DUSP16: variants seen among roughly 807,000 people sequenced by gnomAD.
DUSP16 encodes dual specificity phosphatase 16.
DUSP16 carries 21 observed loss-of-function variants against 58.3 expected under a neutral mutation model. The observed-to-expected ratio is 0.36, with a 90% confidence interval of 0.26 to 0.52. DUSP16 has a LOEUF of 0.52. Ranked by LOEUF, DUSP16 falls within the 20% of genes least tolerant of loss-of-function variation. DUSP16 has a pLI of 0.94. For synonymous variants in DUSP16, 320 were observed against 323.8 expected (o/e 0.99, Z 0.12); for missense variants, 726 against 819.0 (o/e 0.89, Z 1.39).
chr12:12,560,946 T>TCACACACCCACACACACACA (rs56190302), intron 1 of DUSP16: 2 of 148,144 alleles, frequency 1.4e-5, no homozygotes, highest in African/African-American at 5.0e-5. Context: ...ATGGTAAATT[T>TCACACACCCACACACACACA]CACACACACA....
chr12:12,499,349 A>C (rs1565995976), intron 4 of DUSP16, among the ~76,000 whole-genome samples: 1 of 152,230 alleles, frequency 6.6e-6, no homozygotes, highest in African/African-American at 2.4e-5. Context: ...GCACACTCAA[A>C]GGCATTGTGA....
chr12:12,519,681 A>G (rs1944201218), intron 3 of DUSP16, among the ~76,000 whole-genome samples, 181 bp downstream of exon 3: 1 of 152,236 alleles, frequency 6.6e-6, no homozygotes, highest in Admixed American at 6.5e-5. Context: ...ACACTGACCT[A>G]TGTGGAAGAA....
At chr12:12,512,667 C>T (rs1234104302) in intron 3 of DUSP16, among the ~76,000 whole-genome samples, 1 of 152,094 alleles carries the variant, frequency 6.6e-6, no homozygotes, top group Admixed American at 6.5e-5. Context: ...TTTTTTAAGG[C>T]TGAATATTCC....
At chr12:12,559,791 A>C (rs567320961) in intron 1 of DUSP16, among the ~76,000 whole-genome samples, 23 of 152,304 alleles carry the variant, frequency 1.5e-4, no homozygotes, top group Middle Eastern at 3.4e-3. Context: ...AAACACACTA[A>C]CACATAAATC....
At chr12:12,552,483 T>C (rs1944743650) in intron 1 of DUSP16, among the ~76,000 whole-genome samples, 1 of 152,158 alleles carries the variant, frequency 6.6e-6, no homozygotes. Flanking sequence ...TTACCAATTG[T>C]TGAATTTTGG....
At chr12:12,529,860 G>A (rs765415424) in intron 1 of DUSP16, among the ~76,000 whole-genome samples, 1 of 152,090 alleles carries the variant, frequency 6.6e-6, no homozygotes, top group Non-Finnish European at 1.5e-5. Context: ...GAAAATGACA[G>A]GATTTCCTTA....
chr12:12,494,079 C>G (rs531110205), intron 4 of DUSP16, among the ~76,000 whole-genome samples: 1 of 152,276 alleles, frequency 6.6e-6, no homozygotes, highest in South Asian at 2.1e-4. Context: ...AAATCAGTAT[C>G]TAGTAACTGG....
intron 4 of DUSP16, among the ~76,000 whole-genome samples, chr12:12,495,209 A>G (rs1943812333): frequency 6.8e-6 from 1 of 147,182 alleles, no homozygotes; most frequent in South Asian, 2.2e-4. Flanking sequence ...TGTATGGTAT[A>G]TGAATTATAT....
At chr12:12,493,049 T>C (rs1943783212) in intron 4 of DUSP16, among the ~76,000 whole-genome samples, 1 of 152,184 alleles carries the variant, frequency 6.6e-6, no homozygotes, top group African/African-American at 2.4e-5. Context: ...GATCATCTCT[T>C]ATGACATCAA....
intron 1 of DUSP16, among the ~76,000 whole-genome samples, chr12:12,527,346 T>G (rs554219316): frequency 2.9e-4 from 43 of 148,242 alleles, no homozygotes; most frequent in African/African-American, 8.9e-4. Flanking sequence ...TCCTTAGACT[T>G]TGACTGCCTC....
intron 1 of DUSP16, among the ~76,000 whole-genome samples, chr12:12,550,417 T>C (rs1280088274): frequency 1.3e-5 from 2 of 152,212 alleles, no homozygotes; most frequent in East Asian, 3.8e-4. Context: ...TTTGATAATA[T>C]GAAGATGTTA....
Position 12,487,053 on chromosome 12 carries a change from C to T in DUSP16, c.666G>A (p.Trp222Ter). ...NDSFCEKILP[W>*]LDKSVDFIEK... Reference sequence around the variant, plus strand: ...CAATGAAATCTACTGATTTGTCCAACCACGGCAAAATTTTCTCACAAAAGC... The same window carrying T: ...CAATGAAATCTACTGATTTGTCCAATCACGGCAAAATTTTCTCACAAAAGC... The change falls in exon 5 of 7, where the codon TGG becomes TGA. Residue 222 changes from tryptophan (W) to a stop codon, truncating the protein, a stop_gained. Coordinates refer to ENST00000298573, the MANE Select transcript of DUSP16 (RefSeq NM_030640.3). LOFTEE classifies it high-confidence loss of function. 6.2e-7 allele frequency: 1 copy of T among 1,614,094 alleles called. No individual in the cohort carries two copies. The highest frequency in any genetic ancestry group is 8.5e-7 in the Non-Finnish European group (1 of 1,179,956).
Position 12,476,728 on chromosome 12 carries a change from C to T in DUSP16, c.*105G>A. The T allele has an allele frequency of 9.2e-7, 1 of 1,084,144 alleles. No individual in the cohort carries two copies. The highest frequency in any genetic ancestry group is 1.3e-6 in the Non-Finnish European group (1 of 771,372). The allele number at this position is 1,084,144 out of a possible 1,614,324, so 67.2% of individuals were successfully genotyped here. A position where few individuals can be genotyped will look rare whatever the true frequency, so the allele number is the denominator to read the frequency against. ...TGCTTTTACACCATAGCTCCATTTT[C>T]CAAAAATATATATGTATGTACATAT... On this transcript the variant is annotated 3_prime_UTR_variant, in exon 7 of 7. Coordinates refer to ENST00000298573, the MANE Select transcript of DUSP16 (RefSeq NM_030640.3).
At chr12:12,560,293 T>C (rs562682663) in intron 1 of DUSP16, among the ~76,000 whole-genome samples, 1 of 152,348 alleles carries the variant, frequency 6.6e-6, no homozygotes, top group African/African-American at 2.4e-5. Context: ...TGTACATTTA[T>C]AGTACTTGAA....
chr12:12,493,121 C>T (rs564191382), intron 4 of DUSP16, among the ~76,000 whole-genome samples: 1 of 152,148 alleles, frequency 6.6e-6, no homozygotes, highest in Non-Finnish European at 1.5e-5. Context: ...TCCCCCTGCC[C>T]CATTCATACA....
chr12:12,524,785 A>G (rs1944280672), intron 1 of DUSP16, among the ~76,000 whole-genome samples: 1 of 151,720 alleles, frequency 6.6e-6, no homozygotes, highest in African/African-American at 2.4e-5. Flanking sequence ...AGATTTTTAA[A>G]TAGGTAATAT....
intron 1 of DUSP16, among the ~76,000 whole-genome samples, chr12:12,535,295 T>C (rs1944449147): frequency 6.6e-6 from 1 of 152,198 alleles, no homozygotes; most frequent in Non-Finnish European, 1.5e-5. Context: ...AAACAAATAG[T>C]AATGGGCTAT....
rs1421964005 is a variant in DUSP16, at chr12:12,476,001, A to G, written c.*832T>C. 6.6e-6 allele frequency: 1 copy of G among 152,186 alleles called. No individual in the cohort carries two copies. Among genetic ancestry groups the G allele is most frequent in the Non-Finnish European group, 1.5e-5 (1 of 68,036 alleles). The allele number at this position is 152,186 out of a possible 1,614,324, so 9.4% of individuals were successfully genotyped here. A position where few individuals can be genotyped will look rare whatever the true frequency, so the allele number is the denominator to read the frequency against. The stretch of plus-strand genomic sequence containing the variant: ...TCGTTAGCCTCCCAACCTTAGCTTA[A>G]ATCGTGATGTTGCCAGGTTCCTGGT... On this transcript the variant is annotated 3_prime_UTR_variant, in exon 7 of 7. Transcript: ENST00000298573.
In DUSP16 at chr12:12,477,623, T is replaced by G; in HGVS notation, c.1208A>C (p.Asp403Ala). Residue 403 changes from aspartate (D) to alanine (A), a missense_variant, in exon 7 of 7, where the codon GAT (aspartate) becomes GCT (alanine). By Grantham distance (126) the Asp-to-Ala change is moderately radical. Transcript: ENST00000298573. This position sits in a 1 kb window ranked among gnomAD's most constrained non-coding sequence, Gnocchi z 4.1. ...SNKLKRSFSLDIKSVSYSASM... is the reference protein window; with the variant it reads ...SNKLKRSFSLAIKSVSYSASM... Reference sequence around the variant, plus strand: ...GGCTGAATATGAAACTGATTTGATATCCAGAGAGAAGGAACGCTTGAGCTT... The same window carrying G: ...GGCTGAATATGAAACTGATTTGATAGCCAGAGAGAAGGAACGCTTGAGCTT... 6.2e-7 allele frequency: 1 copy of G among 1,614,240 alleles called. No homozygotes were observed. Among genetic ancestry groups the G allele is most frequent in the Non-Finnish European group, 8.5e-7 (1 of 1,180,038 alleles).
Sources: allele counts gnomAD v4.1 joint callset (sites outside exome capture counted in the v4.1 genomes callset), GRCh38; gene constraint gnomAD v4.1.1; non-coding constraint Gnocchi (gnomAD v3.1); transcripts MANE v1.5; gene names NCBI Gene and HGNC (gene_info 2026-07-23, HGNC 2026-07-21).